MANBAL: variants seen among roughly 807,000 people sequenced by gnomAD.
MANBAL encodes the protein protein MANBAL.
MANBAL carries 1 observed loss-of-function variant against 6.4 expected under a neutral mutation model. That is an observed-to-expected ratio of 0.16 (90% CI 0.06 to 0.74). The LOEUF (loss-of-function observed/expected upper bound fraction) is 0.74, where lower values mean the gene tolerates loss of function less well. MANBAL is among the 30% of genes least tolerant of loss of function. MANBAL has a pLI of 0.78. For missense variants in MANBAL, 100 were observed against 107.8 expected (o/e 0.93, Z 0.32); for synonymous variants, 47 against 45.8 (o/e 1.03, Z -0.10).
chr20:37,314,845 C>T (rs2069467750), intron 2 of MANBAL, among the ~76,000 whole-genome samples: 1 of 152,190 alleles, frequency 6.6e-6, no homozygotes, highest in Non-Finnish European at 1.5e-5. Flanking sequence ...CCCTTCCCTG[C>T]ATGGGCCCTC....
At chr20:37,314,952 T>C in intron 2 of MANBAL, among the ~76,000 whole-genome samples, 1 of 152,072 alleles carries the variant, frequency 6.6e-6, no homozygotes, top group East Asian at 1.9e-4. Flanking sequence ...GGTTGGGAAA[T>C]GAAACACAGA....
intron 2 of MANBAL, 125 bp from the exon 3 acceptor site, chr20:37,316,183 C>T (rs563317565): frequency 7.1e-5 from 63 of 888,802 alleles, no homozygotes; most frequent in African/African-American, 6.7e-4. Context: ...TGGTAGGTCC[C>T]GGGAATGACA....
chr20:37,293,849 C>CA (rs1315579101), intron 1 of MANBAL, among the ~76,000 whole-genome samples: 28 of 152,226 alleles, frequency 1.8e-4, no homozygotes, highest in African/African-American at 6.8e-4. Flanking sequence ...CTTAGGTCAG[C>CA]ACCCTATTCC....
rs144903215 is a variant in MANBAL, at chr20:37,301,293, G to A, written c.30G>A (p.Pro10=). 4.1e-5 allele frequency: 66 copies of A among 1,610,686 alleles called. No homozygotes were observed. The highest frequency in any genetic ancestry group is 6.7e-5 in the African/African-American group (5 of 74,954). ...CCTCTGACCTAGACTTCTCACCTCCGGAGGTGCCCGAGCCCACTTTCCTGG... is the reference window on the plus strand; with the variant it reads ...CCTCTGACCTAGACTTCTCACCTCCAGAGGTGCCCGAGCCCACTTTCCTGG... MASDLDFSP[P]EVPEPTFLEN... The change falls in exon 2 of 3, where the codon CCG becomes CCA. Residue 10 remains proline (P), a synonymous_variant. Coordinates refer to ENST00000373606, the MANE Select transcript of MANBAL (RefSeq NM_001003897.2).
intron 2 of MANBAL, among the ~76,000 whole-genome samples, chr20:37,313,760 G>C (rs2069442309): frequency 6.6e-6 from 1 of 152,220 alleles, no homozygotes; most frequent in Non-Finnish European, 1.5e-5. Context: ...CGAGGAGGGA[G>C]GAGGGGCTGC....
chr20:37,302,311 G>A lies in MANBAL; in HGVS notation c.150+898G>A, dbSNP rs771364243. 1.9e-5 allele frequency: 30 copies of A among 1,550,420 alleles called. No individual in the cohort carries two copies. The African/African-American group carries it at 4.1e-4, about 21-fold the overall frequency. On this transcript the variant is annotated intron_variant, in intron 2 of 2. Transcript: ENST00000373606. Reference sequence around the variant, plus strand: ...CATGTAGAGGCCTGATTCCATTCCAGTCAGGTTATTGGGTACGAATACCTC... The same window carrying A: ...CATGTAGAGGCCTGATTCCATTCCAATCAGGTTATTGGGTACGAATACCTC...
At chr20:37,302,690 A>G (rs2069166039) in intron 2 of MANBAL, among the ~76,000 whole-genome samples, 2 of 151,948 alleles carry the variant, frequency 1.3e-5, no homozygotes, top group African/African-American at 4.8e-5. Flanking sequence ...GACTCTAGCA[A>G]CTTCCAATGA....
chr20:37,316,522 G>T lies in MANBAL; in HGVS notation c.*107G>T. The T allele has an allele frequency of 1.1e-6, 1 of 946,358 alleles. No homozygotes were observed. Among genetic ancestry groups the T allele is most frequent in the South Asian group, 1.6e-5 (1 of 61,620 alleles). The allele number at this position is 946,358 out of a possible 1,614,324, so 58.6% of individuals were successfully genotyped here. A position where few individuals can be genotyped will look rare whatever the true frequency, so the allele number is the denominator to read the frequency against. On this transcript the variant is annotated 3_prime_UTR_variant, in exon 3 of 3. Transcript: ENST00000373606. ...CATTCCAGGCTCAGGGTCTGAGGAG[G>T]CTGTGACGCCCTATGACCGCAGAGA... is the stretch of plus-strand genomic sequence containing the variant.
chr20:37,315,076 T>A (rs1025889088), intron 2 of MANBAL, among the ~76,000 whole-genome samples: 18 of 152,184 alleles, frequency 1.2e-4, no homozygotes, highest in African/African-American at 4.1e-4. Flanking sequence ...CCAATCATAG[T>A]GCTGGGGGCG....
At chr20:37,301,436 C>G (rs1170335200) in intron 2 of MANBAL, 23 bp downstream of exon 2, 1 of 1,607,476 alleles carries the variant, frequency 6.2e-7, no homozygotes, top group Non-Finnish European at 8.5e-7. Context: ...CTGGGAGCCT[C>G]AGCTCCTCTG....
At chr20:37,303,549 A>G (rs546975379) in intron 2 of MANBAL, among the ~76,000 whole-genome samples, 6 of 152,332 alleles carry the variant, frequency 3.9e-5, no homozygotes, top group African/African-American at 1.4e-4. Flanking sequence ...AAAATGATGT[A>G]TCTGCTAGAT....
At chr20:37,314,492 G>A (rs6104533) in intron 2 of MANBAL, among the ~76,000 whole-genome samples, 3,950 of 152,310 alleles carry the variant, frequency 0.026, 172 homozygotes, top group African/African-American at 0.09. Flanking sequence ...GGAGCCCCCA[G>A]CCTTGAGCTC....
At chr20:37,312,371 C>T (rs1202548693) in intron 2 of MANBAL, among the ~76,000 whole-genome samples, 1 of 152,110 alleles carries the variant, frequency 6.6e-6, no homozygotes, top group Non-Finnish European at 1.5e-5. Flanking sequence ...GAGTAGATTT[C>T]ATAGTTAACT....
intron 2 of MANBAL, among the ~76,000 whole-genome samples, chr20:37,307,914 G>A (rs1035327302): frequency 9.9e-5 from 15 of 152,202 alleles, no homozygotes; most frequent in Non-Finnish European, 2.2e-4. Flanking sequence ...TAGATAGACT[G>A]AGAAGGTGCG....
At chr20:37,296,698 C>G (rs539251494) in intron 1 of MANBAL, among the ~76,000 whole-genome samples, 1 of 152,144 alleles carries the variant, frequency 6.6e-6, no homozygotes, top group East Asian at 1.9e-4. Flanking sequence ...ACTATAAATT[C>G]TAGGAAGTAA....
intron 1 of MANBAL, chr20:37,297,076 T>C (rs2069014249): frequency 6.6e-6 from 1 of 152,212 alleles, no homozygotes; most frequent in Non-Finnish European, 1.5e-5. Context: ...ATGCACACTT[T>C]ATGAGGTGCA....
chr20:37,301,512 A>C lies in MANBAL; in HGVS notation c.150+99A>C, dbSNP rs955497003. The C allele has an allele frequency of 8.4e-6, 11 of 1,316,120 alleles. No homozygotes were observed. The East Asian group carries it at 1.5e-4, about 18-fold the overall frequency. The allele number at this position is 1,316,120 out of a possible 1,614,324, so 81.5% of individuals were successfully genotyped here. A position where few individuals can be genotyped will look rare whatever the true frequency, so the allele number is the denominator to read the frequency against. ...CACAACTGAGATCAGCAGGGTCTACATTGGGCCTTTTTGATTTAGTGTGCC... is the reference window on the plus strand; with the variant it reads ...CACAACTGAGATCAGCAGGGTCTACCTTGGGCCTTTTTGATTTAGTGTGCC... On this transcript the variant is annotated intron_variant, in intron 2 of 2. Transcript: ENST00000373606.
rs193076098 is a variant in MANBAL at position 37,300,193 on chromosome 20, C to T, written c.-56-1015C>T. 2.0e-3 allele frequency among the ~76,000 whole-genome samples: 306 copies of T among 152,254 alleles called. 2 individuals are homozygous for T. Among genetic ancestry groups the T allele is most frequent in the African/African-American group, 7.0e-3 (289 of 41,546 alleles). ...TCAAATTGGAGGTATCAGGGTCCGC[C>T]CCCACTCCTCTCTGATCATACCTCC... On this transcript the variant is annotated intron_variant, in intron 1 of 2. Coordinates refer to ENST00000373606, the MANE Select transcript of MANBAL (RefSeq NM_001003897.2).
intron 2 of MANBAL, among the ~76,000 whole-genome samples, chr20:37,312,963 CA>C (rs1415299627): frequency 1.3e-5 from 2 of 152,204 alleles, no homozygotes; most frequent in Non-Finnish European, 2.9e-5. Context: ...ATGAAGTTCT[CA>C]TGGTTACTGG....
Sources: allele counts gnomAD v4.1 joint callset (sites outside exome capture counted in the v4.1 genomes callset), GRCh38; gene constraint gnomAD v4.1.1; transcripts MANE v1.5; gene names NCBI Gene and HGNC (gene_info 2026-07-23, HGNC 2026-07-21).